Variants in LGR6 observed in about 807,000 individuals in gnomAD.
LGR6 encodes leucine rich repeat containing G protein-coupled receptor 6.
In LGR6, 45 loss-of-function variants were observed where a neutral mutation model predicts 69.4. The ratio of observed to expected loss-of-function variants is 0.65; its 90% CI spans 0.51 to 0.83. The LOEUF is 0.83. Among genes scored for constraint, LGR6 ranks in the 40% least tolerant of loss-of-function variants. The probability of loss-of-function intolerance (pLI) is 0.00; values close to 1 mark genes in which losing one functional copy is unlikely to be tolerated. For synonymous variants in LGR6, 538 were observed against 555.0 expected, an observed-to-expected ratio of 0.97 and a Z score of 0.43; for missense variants, 1,108 against 1,246.7, an observed-to-expected ratio of 0.89 and a Z score of 1.68.
At chr1:202,235,118 G>A (rs1198511720) in intron 3 of LGR6, among the ~76,000 whole-genome samples, 1 of 152,184 alleles carries the variant, frequency 6.6e-6, no homozygotes, top group Non-Finnish European at 1.5e-5. Flanking sequence ...CCCCTCTGAT[G>A]CCTGGGGTTG....
chr1:202,232,324 G>T (rs533458021), intron 3 of LGR6, among the ~76,000 whole-genome samples: 1 of 152,192 alleles, frequency 6.6e-6, no homozygotes, highest in Non-Finnish European at 1.5e-5. Flanking sequence ...CATGGTTCCT[G>T]CCCCCAAATG....
In LGR6 at chr1:202,318,065, G is replaced by A. The variant is rs141363260; in HGVS notation, c.1762G>A (p.Ala588Thr). Residue 588 changes from alanine (A) to threonine (T), a missense_variant, in exon 18 of 18, where the codon GCT becomes ACT. By Grantham distance (58) the Ala-to-Thr change is moderately conservative. Coordinates refer to ENST00000367278, the MANE Select transcript of LGR6 (RefSeq NM_001017403.2). The stretch of plus-strand genomic sequence containing the variant: ...TGGACTGGTGCTGCTGACCGTGTTC[G>A]CTGGCGGGCCTGTCCCCCTGCCCCC... ...CNGLVLLTVFAGGPVPLPPVK... is the reference protein window; with the variant it reads ...CNGLVLLTVFTGGPVPLPPVK... 1.6e-4 allele frequency: 258 copies of A among 1,614,196 alleles called. 3 individuals carry two copies. The South Asian group carries it at 2.0e-3, about 13-fold the overall frequency.
At chr1:202,203,562 A>T (rs563515910) in intron 1 of LGR6, among the ~76,000 whole-genome samples, 2 of 150,068 alleles carry the variant, frequency 1.3e-5, no homozygotes, top group East Asian at 2.0e-4. Flanking sequence ...CATTCATTCA[A>T]TCACTCATTT....
At chr1:202,291,157 A>G (rs781380482) in intron 6 of LGR6, among the ~76,000 whole-genome samples, 4 of 152,220 alleles carry the variant, frequency 2.6e-5, no homozygotes, top group African/African-American at 4.8e-5. Context: ...TGTCTTAGCT[A>G]TGGACAGCTG....
In LGR6 at chr1:202,300,909, G is replaced by A. The variant is rs1271209471; in HGVS notation, c.846G>A (p.Leu282=). 1 of 1,612,080 alleles carries A rather than the reference G, an allele frequency of 6.2e-7. No individual in the cohort carries two copies. The highest frequency in any genetic ancestry group is 8.5e-7 in the Non-Finnish European group (1 of 1,178,920). ...AAAAGGCCTTCATGGGGAACCCTCT[G>A]CTACAGACGATGTGAGTACTACTTT... ...IPEKAFMGNP[L]LQTIHFYDNP... is the part of the protein sequence containing the mutation. Residue 282 remains leucine (L), a synonymous_variant, in exon 8 of 18, where the codon CTG becomes CTA. Coordinates refer to ENST00000367278, the MANE Select transcript of LGR6 (RefSeq NM_001017403.2).
chr1:202,236,221 G>A (rs943619793), intron 4 of LGR6: 78 of 556,000 alleles, frequency 1.4e-4, no homozygotes, highest in Non-Finnish European at 2.1e-4. Context: ...GTGCTCCCAC[G>A]CCCCACTGGG....
At chr1:202,203,840 A>G (rs1239929354) in intron 1 of LGR6, 1 of 1,613,878 alleles carries the variant, frequency 6.2e-7, no homozygotes, top group Non-Finnish European at 8.5e-7. Context: ...CAAGGTTGAC[A>G]CTTGTTTGTC....
At position 202,228,937 on chromosome 1, in the gene LGR6, T is replaced by C. The variant is rs192599818; in HGVS notation, c.356+930T>C. Among the ~76,000 whole-genome samples, 338 of 152,278 alleles carry C rather than the reference T, an allele frequency of 2.2e-3. 1 individual carries two copies. The highest frequency in any genetic ancestry group is 0.02 in the East Asian group (105 of 5,188). On this transcript the variant is annotated intron_variant, in intron 3 of 17. Transcript: ENST00000367278. ...CTTACCCCTGACTTGCAGGTCTCCT[T>C]TGTACAGTTGAGCAGGTTGTTCATT...
intron 1 of LGR6, among the ~76,000 whole-genome samples, chr1:202,201,484 T>C (rs1460781790): frequency 6.6e-6 from 1 of 152,208 alleles, no homozygotes; most frequent in Non-Finnish European, 1.5e-5. Flanking sequence ...CACTTACCAA[T>C]GAGGAAACCA....
intron 1 of LGR6, among the ~76,000 whole-genome samples, chr1:202,224,651 C>G (rs769311052): frequency 1.3e-5 from 2 of 152,204 alleles, no homozygotes; most frequent in Admixed American, 6.5e-5. Context: ...CTAGACCCCT[C>G]GCATGCGCAG....
intron 1 of LGR6, among the ~76,000 whole-genome samples, chr1:202,221,297 C>G (rs897854448): frequency 6.6e-6 from 1 of 152,174 alleles, no homozygotes; most frequent in Non-Finnish European, 1.5e-5. Flanking sequence ...ACCCCTCCAT[C>G]CCCCAGCATC....
In LGR6 at chr1:202,276,287, C is replaced by T; in HGVS notation, c.429-19C>T. 1 of 1,605,592 alleles carries T rather than the reference C, an allele frequency of 6.2e-7. No homozygotes were observed. Among genetic ancestry groups the T allele is most frequent in the South Asian group, 1.1e-5 (1 of 90,178 alleles). On this transcript the variant is annotated intron_variant, in intron 4 of 17. Transcript: ENST00000367278. ...CATCTTGCCCTGGATTGACCCCTCT[C>T]CATCCTCTCTTCCACCAGGCGCCTA...
At chr1:202,196,076 A>G (rs1658629673) in intron 1 of LGR6, among the ~76,000 whole-genome samples, 1 of 152,040 alleles carries the variant, frequency 6.6e-6, no homozygotes, top group Non-Finnish European at 1.5e-5. Context: ...GACTCAGGGG[A>G]TGCTTCTGAG....
chr1:202,236,214 C>T (rs539141007), intron 4 of LGR6: 3 of 562,846 alleles, frequency 5.3e-6, no homozygotes, highest in African/African-American at 3.8e-5. Flanking sequence ...GAAAAGAGTG[C>T]TCCCACGCCC....
At position 202,319,176 on chromosome 1, in the gene LGR6, C is replaced by G; in HGVS notation, c.2873C>G (p.Pro958Arg). 6.2e-7 allele frequency: 1 copy of G among 1,611,240 alleles called. No individual in the cohort carries two copies. Among genetic ancestry groups the G allele is most frequent in the South Asian group, 1.1e-5 (1 of 90,682 alleles). Residue 958 changes from proline to arginine, a missense_variant, in exon 18 of 18, where the codon CCC (proline) becomes CGC (arginine). Physicochemically the swap from Pro to Arg is moderately radical, Grantham distance 103. Transcript: ENST00000367278. ...GGLSGGGGFQPSGLAFASHV is the reference protein window; with the variant it reads ...GGLSGGGGFQRSGLAFASHV ...TTGTCAGGGGGTGGCGGCTTTCAGC[C>G]CTCTGGCTTGGCCTTTGCTTCACAC... is the stretch of plus-strand genomic sequence containing the variant.
rs539298003 is a variant in LGR6 at position 202,215,559 on chromosome 1, A to G, written c.213-9864A>G. Reference sequence around the variant, plus strand: ...GGGCTAGAAGAGATGCTGGTGAGTCAGGGGAGACCAGGCTTAGCAGGATTG... The same window carrying G: ...GGGCTAGAAGAGATGCTGGTGAGTCGGGGGAGACCAGGCTTAGCAGGATTG... On this transcript the variant is annotated intron_variant, in intron 1 of 17. Coordinates refer to ENST00000367278, the MANE Select transcript of LGR6 (RefSeq NM_001017403.2). Among the ~76,000 whole-genome samples the G allele has an allele frequency of 1.2e-3, 184 of 152,306 alleles. 1 individual carries two copies. Among genetic ancestry groups the G allele is most frequent in the Admixed American group, 1.9e-3 (29 of 15,306 alleles).
intron 1 of LGR6, among the ~76,000 whole-genome samples, chr1:202,205,946 A>AAC (rs754002869): frequency 1.7e-4 from 23 of 138,548 alleles, no homozygotes; most frequent in South Asian, 1.3e-3. Context: ...ATCCTTCAAG[A>AAC]ACACACACAC....
At chr1:202,304,786 G>A (rs546567051) in intron 11 of LGR6, among the ~76,000 whole-genome samples, 156 bp downstream of exon 11, 30 of 152,280 alleles carry the variant, frequency 2.0e-4, no homozygotes, top group African/African-American at 7.2e-4. Flanking sequence ...GAAGGACCGG[G>A]TTTGAGGCAC....
At position 202,283,895 on chromosome 1, in the gene LGR6, G is replaced by T. The variant is rs138043117; in HGVS notation, c.716+3043G>T. On this transcript the variant is annotated intron_variant, in intron 6 of 17. Transcript: ENST00000367278. ...CCAGGCTGTTTGGCTTCCAACCCTG[G>T]CTTTGCCCCTGCAAGCTGGGTCAGC... 2.6e-3 allele frequency among the ~76,000 whole-genome samples: 396 copies of T among 152,334 alleles called. 6 individuals carry two copies. The highest frequency in any genetic ancestry group is 9.1e-3 in the African/African-American group (380 of 41,580).
Sources: gnomAD v4.1 joint callset for allele counts (sites outside exome capture counted in the v4.1 genomes callset) on GRCh38, gnomAD v4.1.1 for gene constraint, MANE v1.5 for transcripts, NCBI Gene and HGNC (gene_info 2026-07-23, HGNC 2026-07-21) for gene names.